The following THRB variants were observed in gnomAD, a reference collection of about 807,000 sequenced individuals.
The protein encoded by THRB is nuclear receptor subfamily 1 group A member 2.
THRB carries 12 observed loss-of-function variants against 47.8 expected under a neutral mutation model. The ratio of observed to expected loss-of-function variants is 0.25; its 90% confidence interval spans 0.16 to 0.41. The LOEUF (loss-of-function observed/expected upper bound fraction) is 0.41. Ranked by LOEUF, THRB falls within the 10% of genes least tolerant of loss-of-function variation. THRB has a pLI of 1.00. For missense variants in THRB, 348 were observed against 589.2 expected (o/e 0.59, Z 4.24); for synonymous variants, 218 against 212.2 (o/e 1.03, Z -0.24).
chr3:24,368,795 T>C (rs1390072350), intron 1 of THRB, among the ~76,000 whole-genome samples: 1 of 152,190 alleles, frequency 6.6e-6, no homozygotes, highest in African/African-American at 2.4e-5. Context: ...GCACTTCCTC[T>C]TCCCACTTTG....
chr3:24,133,379 T>C lies in THRB; in HGVS notation c.822A>G (p.Lys274=). Reference sequence around the variant, plus strand: ...CTCTGGTAATTGCTGGTGTGATGATTTTTGTAAAATGGCTGAAGGCTTCCA... The same window carrying C: ...CTCTGGTAATTGCTGGTGTGATGATCTTTGTAAAATGGCTGAAGGCTTCCA... ...VDLEAFSHFT[K]IITPAITRVV... The change falls in exon 9 of 11, where the codon AAA becomes AAG. Residue 274 remains lysine, a synonymous_variant. Coordinates refer to ENST00000646209, the MANE Select transcript of THRB (RefSeq NM_001354712.2). 6.2e-7 allele frequency: 1 copy of C among 1,614,180 alleles called. No individual in the cohort carries two copies.
chr3:24,209,261 G>A (rs1276687681), intron 4 of THRB, among the ~76,000 whole-genome samples: 1 of 152,224 alleles, frequency 6.6e-6, no homozygotes, highest in African/African-American at 2.4e-5. Flanking sequence ...TTCAACCATT[G>A]TGGAAGACAG....
At chr3:24,325,408 C>T (rs561432798) in intron 2 of THRB, among the ~76,000 whole-genome samples, 5 of 152,234 alleles carry the variant, frequency 3.3e-5, no homozygotes, top group Admixed American at 1.3e-4. Flanking sequence ...AAGGAGAGGC[C>T]GGGTGCAGTG....
chr3:24,201,711 T>C (rs2044617776), intron 4 of THRB, among the ~76,000 whole-genome samples: 1 of 152,180 alleles, frequency 6.6e-6, no homozygotes, highest in Admixed American at 6.5e-5. Flanking sequence ...AAATTATACA[T>C]GCAGAAATTA....
At chr3:24,161,676 C>G (rs2038861871) in intron 5 of THRB, among the ~76,000 whole-genome samples, 1 of 145,504 alleles carries the variant, frequency 6.9e-6, no homozygotes, top group Non-Finnish European at 1.5e-5. Flanking sequence ...ATCTCCAAGT[C>G]AGAGGAACAA....
intron 1 of THRB, among the ~76,000 whole-genome samples, chr3:24,452,671 T>C (rs1325946188): frequency 6.6e-6 from 1 of 152,020 alleles, no homozygotes; most frequent in Non-Finnish European, 1.5e-5. Flanking sequence ...GTGGGGGCTG[T>C]CCATGACCCC....
chr3:24,479,133 T>C (rs912394056), intron 1 of THRB, among the ~76,000 whole-genome samples: 10 of 151,846 alleles, frequency 6.6e-5, no homozygotes, highest in East Asian at 3.9e-4. Flanking sequence ...CCCGTCTCTA[T>C]TAAAAATACA....
At chr3:24,419,783 T>C (rs1295935961) in intron 1 of THRB, among the ~76,000 whole-genome samples, 2 of 151,948 alleles carry the variant, frequency 1.3e-5, no homozygotes, top group African/African-American at 4.8e-5. Flanking sequence ...GAAATAAGTT[T>C]TGCAGACAGC....
chr3:24,208,890 T>C (rs1209046578), intron 4 of THRB, among the ~76,000 whole-genome samples: 2 of 152,104 alleles, frequency 1.3e-5, no homozygotes, highest in Non-Finnish European at 2.9e-5. Context: ...GAAACTACCA[T>C]CAGAGTGAAC....
intron 8 of THRB, among the ~76,000 whole-genome samples, chr3:24,139,608 A>T (rs369818631): frequency 8.5e-5 from 13 of 152,074 alleles, no homozygotes; most frequent in African/African-American, 3.1e-4. Context: ...CTGGTCTCAC[A>T]CTTCTGGGCT....
rs9850667 is a variant in THRB, at chr3:24,481,218, C to T, written c.-261+13434G>A. Among the ~76,000 whole-genome samples, 383 of 131,650 alleles carry T rather than the reference C, an allele frequency of 2.9e-3. 3 individuals are homozygous for T. The highest frequency in any genetic ancestry group is 0.011 in the African/African-American group (330 of 30,552). The allele number at this position is 131,650 out of a possible 152,430, so 86.4% of individuals were successfully genotyped here. A position where few individuals can be genotyped will look rare whatever the true frequency, so the allele number is the denominator to read the frequency against. ...ATCTCAGTTTTTATATGTGTGGATG[C>T]GTTTCTTTCTGTTTTTTTTTTTTTT... On this transcript the variant is annotated intron_variant, in intron 1 of 10. Coordinates refer to ENST00000646209, the MANE Select transcript of THRB (RefSeq NM_001354712.2).
chr3:24,268,557 C>T (rs2052904070), intron 3 of THRB, among the ~76,000 whole-genome samples: 1 of 152,136 alleles, frequency 6.6e-6, no homozygotes, highest in Non-Finnish European at 1.5e-5. Flanking sequence ...TCTTCAATTT[C>T]CTTTTAGTTT....
chr3:24,378,206 CACTTTCTA>C (rs1269584099), intron 1 of THRB, among the ~76,000 whole-genome samples: 1 of 152,108 alleles, frequency 6.6e-6, no homozygotes, highest in East Asian at 1.9e-4. Context: ...TTCCAGTTCC[CACTTTCTA>C]ATGTGTAAAA....
chr3:24,207,827 T>C lies in THRB; in HGVS notation c.23-17493A>G, dbSNP rs138556848. 5.8e-3 allele frequency among the ~76,000 whole-genome samples: 884 copies of C among 152,284 alleles called. 4 individuals are homozygous for C. Among genetic ancestry groups the C allele is most frequent in the African/African-American group, 0.019 (806 of 41,550 alleles). On this transcript the variant is annotated intron_variant, in intron 4 of 10. Transcript: ENST00000646209. ...CTCTCACCACTCCTATTCAACATAGTGTTGGAAGTTCTGGCCAGGGCAATC... is the reference window on the plus strand; with the variant it reads ...CTCTCACCACTCCTATTCAACATAGCGTTGGAAGTTCTGGCCAGGGCAATC...
intron 3 of THRB, among the ~76,000 whole-genome samples, chr3:24,235,220 TC>T (rs1376181102): frequency 6.6e-6 from 1 of 152,214 alleles, no homozygotes; most frequent in Non-Finnish European, 1.5e-5. Flanking sequence ...AGAGAACACC[TC>T]CACTCCTTCT....
In THRB at chr3:24,127,570, A is replaced by G; in HGVS notation, c.1073T>C (p.Met358Thr). 1.2e-6 allele frequency: 2 copies of G among 1,614,230 alleles called. No individual in the cohort carries two copies. Among genetic ancestry groups the G allele is most frequent in the Non-Finnish European group, 8.5e-7 (1 of 1,180,032 alleles). ...ATCCAGGTTGAAAGAAGACAGAGAC[A>G]TGCCCAGGTCAAAGATGGCGTCTGA... ...VVSDAIFDLG[M>T]SLSSFNLDDT... is the part of the protein sequence containing the mutation. Residue 358 changes from methionine (M) to threonine (T), a missense_variant, in exon 10 of 11, where the codon ATG becomes ACG. Around this residue, in one of 5 missense-constraint regions of THRB, gnomAD observed 45 missense variants for 156.2 expected, o/e 0.29. Transcript: ENST00000646209.
rs201880078 is a variant in THRB, at chr3:24,262,849, A to ATT, written c.-42-33850_-42-33849dup. On this transcript the variant is annotated intron_variant, in intron 3 of 10. Coordinates refer to ENST00000646209, the MANE Select transcript of THRB (RefSeq NM_001354712.2). Reference sequence around the variant, plus strand: ...AACACCATGAGGAAGGGATTTTTTTATTTTTTTTTCTATTTTGTTAATTAC... The same window carrying ATT: ...AACACCATGAGGAAGGGATTTTTTTATTTTTTTTTTTCTATTTTGTTAATTAC... 4.0e-5 allele frequency among the ~76,000 whole-genome samples: 6 copies of ATT among 150,896 alleles called. 1 individual carries two copies. Among genetic ancestry groups the ATT allele is most frequent in the East Asian group, 2.0e-4 (1 of 5,120 alleles).
chr3:24,438,389 T>C (rs1203601129), intron 1 of THRB, among the ~76,000 whole-genome samples: 1 of 152,142 alleles, frequency 6.6e-6, no homozygotes, highest in East Asian at 1.9e-4. Flanking sequence ...CCAACTGATC[T>C]TCATGTTTTT....
chr3:24,235,196 T>C lies in THRB; in HGVS notation c.-42-6195A>G, dbSNP rs1406810899. ...GTCTCAGTATTCAAGGTCACAAGGC[T>C]AGACCAGTGCCAGAGAGAACACCTC... is the stretch of plus-strand genomic sequence containing the variant. On this transcript the variant is annotated intron_variant, in intron 3 of 10. Transcript: ENST00000646209. Among the ~76,000 whole-genome samples, 3 of 152,346 alleles carry C rather than the reference T, an allele frequency of 2.0e-5. No homozygotes were observed. The East Asian group carries it at 5.8e-4, about 29-fold the overall frequency.
Sources: gnomAD v4.1 joint callset for allele counts (sites outside exome capture counted in the v4.1 genomes callset) on GRCh38, gnomAD v4.1.1 for gene constraint, gnomAD v4.1.1 regional missense constraint, MANE v1.5 for transcripts, NCBI Gene and HGNC (gene_info 2026-07-23, HGNC 2026-07-21) for gene names.